ENTPD5: variants seen among roughly 807,000 people sequenced by gnomAD.
ENTPD5 encodes the protein nucleoside diphosphate phosphatase ENTPD5.
Under a neutral mutation model 60.2 loss-of-function variants are expected in ENTPD5, and 49 were observed. The observed-to-expected ratio is 0.81, with a 90% CI of 0.65 to 1.03. The LOEUF is 1.03. Ranked by LOEUF, ENTPD5 falls within the 50% of genes least tolerant of loss-of-function variation. The pLI is 0.00. For missense variants in ENTPD5, 480 were observed against 507.6 expected (o/e 0.95, Z 0.52); for synonymous variants, 187 against 185.4 (o/e 1.01, Z -0.07).
intron 3 of ENTPD5, chr14:74,008,928 A>G (rs1421092336): frequency 2.0e-5 from 3 of 152,258 alleles, no homozygotes; most frequent in Non-Finnish European, 4.4e-5. Flanking sequence ...CAAATACATC[A>G]GTCTTTCCTG....
downstream of ENTPD5, chr14:73,961,888 AGT>A: frequency 6.2e-7 from 1 of 1,614,166 alleles, no homozygotes; most frequent in South Asian, 1.1e-5. Context: ...CCACAAATGC[AGT>A]GTCTCCACTC....
chr14:73,963,111 A>T (rs113516835), downstream of ENTPD5: 7 of 964,130 alleles, frequency 7.3e-6, 1 homozygote, highest in African/African-American at 4.9e-5. Context: ...TTTACATTAA[A>T]ATTCTCTTTT....
At chr14:73,985,073 TC>T (rs1160697918) in intron 5 of ENTPD5, among the ~76,000 whole-genome samples, 1 of 152,176 alleles carries the variant, frequency 6.6e-6, no homozygotes, top group Non-Finnish European at 1.5e-5. Flanking sequence ...CATGAACTCA[TC>T]CTTTTTTTAT....
At chr14:73,958,174 A>G (rs1445457765), downstream of ENTPD5, 1 of 1,614,066 alleles carries the variant, frequency 6.2e-7, no homozygotes, top group Non-Finnish European at 8.5e-7. Context: ...TACAGGAGCA[A>G]AGCCATTCGC....
chr14:73,982,907 G>T (rs2140579354), intron 6 of ENTPD5, 111 bp downstream of exon 6: 1 of 1,059,770 alleles, frequency 9.4e-7, no homozygotes, highest in Non-Finnish European at 1.4e-6. Flanking sequence ...CAATGCTTTG[G>T]CAGTGGTGGA....
At chr14:73,967,942 T>G (rs1566705950) in intron 15 of ENTPD5, among the ~76,000 whole-genome samples, 1 of 151,212 alleles carries the variant, frequency 6.6e-6, no homozygotes, top group Non-Finnish European at 1.5e-5. Flanking sequence ...CTGGCCAACA[T>G]GGTGAAACCC....
intron 3 of ENTPD5, among the ~76,000 whole-genome samples, chr14:74,001,371 G>T (rs112263713): frequency 3.3e-5 from 5 of 151,822 alleles, no homozygotes; most frequent in Non-Finnish European, 5.9e-5. Flanking sequence ...GTGTGATGGC[G>T]GGTGCCTATA....
intron 6 of ENTPD5, among the ~76,000 whole-genome samples, chr14:73,979,657 G>A (rs974299635): frequency 6.6e-6 from 1 of 151,958 alleles, no homozygotes; most frequent in East Asian, 1.9e-4. Flanking sequence ...ATTTTTAGTA[G>A]AGACGGGGTT....
At chr14:73,959,464 C>A, downstream of ENTPD5, 1 of 1,614,238 alleles carries the variant, frequency 6.2e-7, no homozygotes, top group Non-Finnish European at 8.5e-7. Flanking sequence ...CATGAACATG[C>A]AGCAGAGCTA....
intron 5 of ENTPD5, among the ~76,000 whole-genome samples, chr14:73,984,010 T>C (rs1349824345): frequency 6.6e-6 from 1 of 151,892 alleles, no homozygotes; most frequent in Non-Finnish European, 1.5e-5. Context: ...TTTTATATTG[T>C]GATCATTTTA....
intron 3 of ENTPD5, among the ~76,000 whole-genome samples, chr14:74,001,495 C>A (rs1391159015): frequency 1.3e-5 from 2 of 151,128 alleles, no homozygotes; most frequent in Non-Finnish European, 2.9e-5. Flanking sequence ...GAGCAAGACT[C>A]CATCCCAAAA....
At chr14:73,974,894 TCC>T in intron 11 of ENTPD5, 28 bp downstream of exon 11, 2 of 1,554,868 alleles carry the variant, frequency 1.3e-6, no homozygotes, top group Non-Finnish European at 1.8e-6. Flanking sequence ...ACCCTCACCA[TCC>T]CCCCCCAGCA....
chr14:73,994,093 A>T (rs1433784595), intron 3 of ENTPD5, among the ~76,000 whole-genome samples: 1 of 152,126 alleles, frequency 6.6e-6, no homozygotes, highest in Non-Finnish European at 1.5e-5. Context: ...TAGTTATTTT[A>T]AAATGGCATT....
chr14:73,989,832 C>CAAAAAAAAA (rs57558687), intron 3 of ENTPD5, among the ~76,000 whole-genome samples: 2 of 52,362 alleles, frequency 3.8e-5, no homozygotes, highest in African/African-American at 8.5e-5. Flanking sequence ...GACTCAGTCT[C>CAAAAAAAAA]AAAAAAAAAA....
chr14:73,975,066 GT>G lies in ENTPD5; in HGVS notation c.723-82del, dbSNP rs1228491919. ...AGCTACCTCTTTCAAAAGTAACATT[GT>G]TCCTGTGTCCCTCTGGAAAGATGAA... On this transcript the variant is annotated intron_variant, in intron 10 of 15. Transcript: ENST00000334696. The G allele has an allele frequency of 1.6e-5, 17 of 1,069,562 alleles. No individual in the cohort carries two copies. The African/African-American group carries it at 2.6e-4, about 17-fold the overall frequency. 66.3% of individuals were successfully genotyped at this position (1,069,562 alleles called of 1,614,324 possible).
rs1417724244 is a variant in ENTPD5 at position 73,973,000 on chromosome 14, T to G, written c.911A>C (p.Tyr304Ser). The G allele has an allele frequency of 1.9e-6, 3 of 1,614,070 alleles. No homozygotes were observed. The highest frequency in any genetic ancestry group is 3.3e-5 in the Admixed American group (2 of 59,998). ...TCGTACCACCCTCAGCACTTCGGCA[T>G]AGCAGGGCTCAAAGCCCACCTCCCC... is the stretch of plus-strand genomic sequence containing the variant. Reference protein sequence around the residue: ...QEGEVGFEPCYAEVLRVVRGK... With the variant: ...QEGEVGFEPCSAEVLRVVRGK... The change falls in exon 13 of 16, where the codon TAT (tyrosine) becomes TCT (serine). Residue 304 changes from tyrosine to serine, a missense_variant. Transcript: ENST00000334696.
intron 4 of ENTPD5, among the ~76,000 whole-genome samples, chr14:73,987,589 C>T (rs2057954770): frequency 6.6e-6 from 1 of 152,062 alleles, no homozygotes; most frequent in Admixed American, 6.6e-5. Context: ...GGAAGGACTG[C>T]TTGAGCCCAG....
intron 2 of ENTPD5, among the ~76,000 whole-genome samples, chr14:74,014,946 G>C (rs1289077017): frequency 2.0e-5 from 3 of 152,064 alleles, no homozygotes; most frequent in Non-Finnish European, 4.4e-5. Context: ...GCCGGGCATG[G>C]TGGCAGGCAT....
Position 73,974,991 on chromosome 14 carries a change from A to T in ENTPD5, c.723-6T>A. The T allele has an allele frequency of 3.1e-6, 5 of 1,609,150 alleles. No homozygotes were observed. Among genetic ancestry groups the T allele is most frequent in the Non-Finnish European group, 4.3e-6 (5 of 1,175,622 alleles). The stretch of plus-strand genomic sequence containing the variant: ...TCAATCCAAATCCCAGGTAACTGTA[A>T]AATACAGGATTGACTAATTTCATGC... On this transcript the variant is annotated splice_region_variant and splice_polypyrimidine_tract_variant and intron_variant, in intron 10 of 15. Coordinates refer to ENST00000334696, the MANE Select transcript of ENTPD5 (RefSeq NM_001249.5).
Sources: allele counts gnomAD v4.1 joint callset (sites outside exome capture counted in the v4.1 genomes callset), GRCh38; gene constraint gnomAD v4.1.1; transcripts MANE v1.5; gene names NCBI Gene and HGNC (gene_info 2026-07-23, HGNC 2026-07-21).